The following MYO18A variants were observed in gnomAD, a reference collection of about 807,000 sequenced individuals.
The protein encoded by MYO18A is myosin XVIIIA, also known as unconventional myosin-XVIIIa.
In MYO18A, 78 loss-of-function variants were observed where a neutral mutation model predicts 235.8. The observed-to-expected ratio is 0.33, with a 90% CI of 0.28 to 0.40. MYO18A has a LOEUF of 0.40. Ranked by LOEUF, MYO18A falls within the 10% of genes least tolerant of loss-of-function variation. The pLI is 1.00. For synonymous variants in MYO18A, 977 were observed against 1,077.8 expected (o/e 0.91, Z 1.83); for missense variants, 2,215 against 2,699.3 (o/e 0.82, Z 3.98).
In MYO18A at chr17:29,091,037, GC is replaced by G; in HGVS notation, c.5188-112del. 4.8e-6 allele frequency: 4 copies of G among 832,602 alleles called. No individual in the cohort carries two copies. The South Asian group carries it at 6.3e-5, about 13-fold the overall frequency. The allele number at this position is 832,602 out of a possible 1,614,324, so 51.6% of individuals were successfully genotyped here. A position where few individuals can be genotyped will look rare whatever the true frequency, so the allele number is the denominator to read the frequency against. ...GAGAAGATGATAATGGGCTGAGCCT[GC>G]CTGCTGGGGTGGGTCCCAGGACTAG... On this transcript the variant is annotated intron_variant, in intron 34 of 41. Coordinates refer to ENST00000527372, the MANE Select transcript of MYO18A (RefSeq NM_078471.4).
intron 8 of MYO18A, 68 bp downstream of exon 8, chr17:29,119,267 A>G (rs370695315): frequency 3.3e-6 from 4 of 1,220,440 alleles, no homozygotes; most frequent in Non-Finnish European, 4.7e-6. Context: ...GGATGCAATC[A>G]AGGTCCAGGA....
In MYO18A at chr17:29,147,267, G is replaced by A. The variant is rs367684423; in HGVS notation, c.999+18675C>T. On this transcript the variant is annotated intron_variant, in intron 2 of 41. Transcript: ENST00000527372. ...CATGGTGGCTTATTCCTGTAATCCC[G>A]GCACTTTGGGAGGCCGAGGAAGGCA... Among the ~76,000 whole-genome samples the A allele has an allele frequency of 2.0e-5, 3 of 151,434 alleles. 1 individual carries two copies. Among genetic ancestry groups the A allele is most frequent in the African/African-American group, 4.8e-5 (2 of 41,262 alleles).
rs1286798983 is a variant in MYO18A, at chr17:29,128,450, C to A, written c.1000-6197G>T. On this transcript the variant is annotated intron_variant, in intron 2 of 41. Transcript: ENST00000527372. ...GTTCATGGCGAGTGTGGGTGCAGGGCTCCTGGCTCTCTGGGAAGTCTCTGG... is the reference window on the plus strand; with the variant it reads ...GTTCATGGCGAGTGTGGGTGCAGGGATCCTGGCTCTCTGGGAAGTCTCTGG... 45 of 1,289,330 alleles carry A rather than the reference C, an allele frequency of 3.5e-5. No individual in the cohort carries two copies. The Admixed American group carries it at 9.9e-4, about 28-fold the overall frequency. The allele number at this position is 1,289,330 out of a possible 1,614,324, so 79.9% of individuals were successfully genotyped here.
chr17:29,074,823 T>C lies in MYO18A; in HGVS notation c.6112A>G (p.Ser2038Gly), dbSNP rs921905454. The C allele has an allele frequency of 1.2e-6, 2 of 1,613,930 alleles. No individual in the cohort carries two copies. The highest frequency in any genetic ancestry group is 1.3e-5 in the African/African-American group (1 of 75,020). Reference protein sequence around the residue: ...DNTSRPRYSHSYLSDSDTEAK... With the variant: ...DNTSRPRYSHGYLSDSDTEAK... The stretch of plus-strand genomic sequence containing the variant: ...TCTGTGTCGCTGTCACTCAGATAAC[T>C]GTGGGAGTATCGCGGTCTGGAGGTG... Residue 2038 changes from serine to glycine, a missense_variant, in exon 42 of 42, where the codon AGT becomes GGT. By Grantham distance (56) the Ser-to-Gly change is moderately conservative. Coordinates refer to ENST00000527372, the MANE Select transcript of MYO18A (RefSeq NM_078471.4). The surrounding 1 kb of genome is among the most constrained non-coding windows in gnomAD (Gnocchi z 4.4).
At chr17:29,154,121 T>TGTGTGTGTGTGCGTGCGCGCGCGCGC (rs142430455) in intron 2 of MYO18A, among the ~76,000 whole-genome samples, 1 of 149,000 alleles carries the variant, frequency 6.7e-6, no homozygotes, top group African/African-American at 2.5e-5. Context: ...TGTGTGTGTG[T>TGTGTGTGTGTGCGTGCGCGCGCGCGC]GCGCGCGCGT....
intron 14 of MYO18A, 144 bp downstream of exon 14, chr17:29,114,763 G>T: frequency 1.2e-6 from 1 of 864,942 alleles, no homozygotes; most frequent in Non-Finnish European, 1.7e-6. Flanking sequence ...CACGGACAAG[G>T]GGGCAAGGAA....
At chr17:29,102,475 C>T (rs753351024) in intron 21 of MYO18A, among the ~76,000 whole-genome samples, 1 of 152,040 alleles carries the variant, frequency 6.6e-6, no homozygotes, top group African/African-American at 2.4e-5. Flanking sequence ...AGGAGGGGAA[C>T]AGAGAGAGAG....
At chr17:29,114,820 G>A (rs536977280) in intron 14 of MYO18A, 87 bp downstream of exon 14, 97 of 1,363,946 alleles carry the variant, frequency 7.1e-5, no homozygotes, top group Non-Finnish European at 9.4e-5. Flanking sequence ...GGAGAGTAAG[G>A]TGATGCCTTC....
At chr17:29,176,096 T>G (rs1051051328) in intron 1 of MYO18A, among the ~76,000 whole-genome samples, 6 of 152,040 alleles carry the variant, frequency 3.9e-5, no homozygotes, top group African/African-American at 1.4e-4. Context: ...ATCCAAAAAT[T>G]TATCAGTGGT....
intron 33 of MYO18A, 149 bp downstream of exon 33, chr17:29,092,706 G>A: frequency 8.8e-7 from 1 of 1,138,998 alleles, no homozygotes; most frequent in South Asian, 1.4e-5. Context: ...AGAGCCTGGG[G>A]AGTCTAGCTG....
intron 39 of MYO18A, among the ~76,000 whole-genome samples, chr17:29,086,059 C>T (rs2066245781): frequency 6.6e-6 from 1 of 152,256 alleles, no homozygotes; most frequent in South Asian, 2.1e-4. Context: ...CAAACCATTC[C>T]CCGGGTGGGT....
rs2067711001 is a variant in MYO18A at position 29,140,445 on chromosome 17, T to C, written c.1000-18192A>G. ...AGCACAGGCTGTGGCCCCGCCCAGT[T>C]CCCGCCCTCTCCCCGGCCCCTCCCG... On this transcript the variant is annotated intron_variant, in intron 2 of 41. Transcript: ENST00000527372. The surrounding 1 kb of genome is among the most constrained non-coding windows in gnomAD (Gnocchi z 4.2). The C allele has an allele frequency of 8.1e-7, 1 of 1,235,650 alleles. No homozygotes were observed. Among genetic ancestry groups the C allele is most frequent in the Non-Finnish European group, 1.0e-6 (1 of 962,784 alleles). The allele number at this position is 1,235,650 out of a possible 1,614,324, so 76.5% of individuals were successfully genotyped here. A position where few individuals can be genotyped will look rare whatever the true frequency, so the allele number is the denominator to read the frequency against.
intron 14 of MYO18A, 151 bp downstream of exon 14, chr17:29,114,756 G>A (rs978265837): frequency 6.3e-5 from 52 of 831,408 alleles, no homozygotes; most frequent in Middle Eastern, 3.5e-4. Flanking sequence ...CAGAGGCCAC[G>A]GACAAGGGGG....
intron 2 of MYO18A, among the ~76,000 whole-genome samples, chr17:29,157,709 T>C (rs2068090022): frequency 6.6e-6 from 1 of 152,168 alleles, no homozygotes; most frequent in Admixed American, 6.5e-5. Context: ...TAACCTACAG[T>C]GAATGTTAGA....
At position 29,090,269 on chromosome 17, in the gene MYO18A, T is replaced by G. The variant is rs990410432; in HGVS notation, c.5389-171A>C. On this transcript the variant is annotated intron_variant, in intron 36 of 41. Transcript: ENST00000527372. Reference sequence around the variant, plus strand: ...CAGAGGCCTCCCCCATCTGCCCCAGTGCTTGGCACAGAGATTGCCCTTCAG... The same window carrying G: ...CAGAGGCCTCCCCCATCTGCCCCAGGGCTTGGCACAGAGATTGCCCTTCAG... 9.3e-6 allele frequency: 7 copies of G among 748,814 alleles called. No homozygotes were observed. In the Admixed American group the frequency reaches 2.0e-4, roughly 22 times the overall value. 46.4% of individuals were successfully genotyped at this position (748,814 alleles called of 1,614,324 possible).
chr17:29,086,921 G>T lies in MYO18A; in HGVS notation c.5712+15C>A, dbSNP rs1568042476. The T allele has an allele frequency of 6.2e-7, 1 of 1,607,534 alleles. No individual in the cohort carries two copies. Among genetic ancestry groups the T allele is most frequent in the Non-Finnish European group, 8.5e-7 (1 of 1,176,522 alleles). ...GGGCTGCCATGTGGGCCCCGTGGGG[G>T]ACAGGGGGCATTACCAGTTCGTGCT... On this transcript the variant is annotated intron_variant, in intron 38 of 41. Transcript: ENST00000527372.
intron 41 of MYO18A, chr17:29,079,798 T>C: frequency 1.0e-6 from 1 of 986,070 alleles, no homozygotes; most frequent in Non-Finnish European, 1.2e-6. Context: ...GCGCTTCTTT[T>C]CCTCCTTCCT....
Position 29,109,660 on chromosome 17 carries a change from C to T in MYO18A, c.3331+198G>A, listed in dbSNP as rs569957905. The stretch of plus-strand genomic sequence containing the variant: ...TGAATATGGAAGGGAGAGGAGGAGG[C>T]GGGGACTCTGCAGGATGGAAGGAAA... On this transcript the variant is annotated intron_variant, in intron 19 of 41. Transcript: ENST00000527372. The surrounding 1 kb of genome is among the most constrained non-coding windows in gnomAD (Gnocchi z 4.1). Among the ~76,000 whole-genome samples, 8 of 152,090 alleles carry T rather than the reference C, an allele frequency of 5.3e-5. No homozygotes were observed. The highest frequency in any genetic ancestry group is 2.6e-4 in the Admixed American group (4 of 15,298).
At chr17:29,127,335 A>G (rs2067346498) in intron 2 of MYO18A, among the ~76,000 whole-genome samples, 1 of 152,196 alleles carries the variant, frequency 6.6e-6, no homozygotes, top group East Asian at 1.9e-4. Flanking sequence ...CTAAAATACA[A>G]AGATTACTAA....
Sources: allele counts gnomAD v4.1 joint callset (sites outside exome capture counted in the v4.1 genomes callset), GRCh38; gene constraint gnomAD v4.1.1; non-coding constraint Gnocchi (gnomAD v3.1); transcripts MANE v1.5; gene names NCBI Gene and HGNC (gene_info 2026-07-23, HGNC 2026-07-21).